The following UNC79 variants were observed in gnomAD, a reference collection of about 807,000 sequenced individuals.
The protein encoded by UNC79 is unc-79 subunit of NALCN channel complex.
In UNC79, 37 loss-of-function variants were observed where a neutral mutation model predicts 283.1. The ratio of observed to expected loss-of-function variants is 0.13; its 90% CI spans 0.10 to 0.17. The LOEUF (loss-of-function observed/expected upper bound fraction) is 0.17. Among genes scored for constraint, UNC79 ranks in the 10% least tolerant of loss-of-function variants. The pLI is 1.00. For missense variants in UNC79, 2,272 were observed against 3,211.1 expected, an observed-to-expected ratio of 0.71 and a Z score of 7.07; for synonymous variants, 1,107 against 1,200.2, an observed-to-expected ratio of 0.92 and a Z score of 1.61.
At chr14:93,593,231 C>T (rs2064822659) in intron 22 of UNC79, among the ~76,000 whole-genome samples, 1 of 152,152 alleles carries the variant, frequency 6.6e-6, no homozygotes, top group African/African-American at 2.4e-5. Context: ...GATGACCTGT[C>T]TGTTCTTGGA....
intron 30 of UNC79, among the ~76,000 whole-genome samples, chr14:93,623,195 T>A (rs1430019547): frequency 2.6e-5 from 4 of 152,178 alleles, no homozygotes; most frequent in African/African-American, 4.8e-5. Context: ...TTTGCTTTCT[T>A]TTTTTCTCTG....
At chr14:93,707,179 G>T, downstream of UNC79, 1 of 336,044 alleles carries the variant, frequency 3.0e-6, no homozygotes, top group Admixed American at 4.4e-5. Flanking sequence ...TTTTTTTTAA[G>T]AAAAAAAAAT....
At chr14:93,496,690 G>A (rs1567004219) in intron 6 of UNC79, among the ~76,000 whole-genome samples, 1 of 152,122 alleles carries the variant, frequency 6.6e-6, no homozygotes, top group Non-Finnish European at 1.5e-5. Flanking sequence ...GTAATTGAAT[G>A]TATCTTATTC....
At chr14:93,445,189 A>T (rs1009705911) in intron 1 of UNC79, among the ~76,000 whole-genome samples, 2 of 152,186 alleles carry the variant, frequency 1.3e-5, no homozygotes, top group Admixed American at 6.5e-5. Flanking sequence ...GAGTAGTTTA[A>T]AAAAAGAAAA....
intron 7 of UNC79, among the ~76,000 whole-genome samples, chr14:93,516,455 G>T (rs1245392916): frequency 1.7e-5 from 2 of 121,014 alleles, no homozygotes; most frequent in African/African-American, 3.0e-5. Context: ...TTTTTTGGGG[G>T]GGGGGGTGGG....
chr14:93,374,000 T>C (rs1026372461), intron 1 of UNC79, among the ~76,000 whole-genome samples: 1 of 152,142 alleles, frequency 6.6e-6, no homozygotes, highest in Non-Finnish European at 1.5e-5. Context: ...CGGTGGAGGC[T>C]TGGCAACCTC....
At chr14:93,556,115 T>A (rs2062158858) in intron 14 of UNC79, among the ~76,000 whole-genome samples, 1 of 152,128 alleles carries the variant, frequency 6.6e-6, no homozygotes, top group African/African-American at 2.4e-5. Context: ...AGGCAAGTGC[T>A]ATGAGACAAG....
intron 1 of UNC79, among the ~76,000 whole-genome samples, chr14:93,403,831 A>G (rs2055160439): frequency 1.3e-5 from 2 of 152,036 alleles, no homozygotes; most frequent in South Asian, 4.1e-4. Flanking sequence ...CAATGATATC[A>G]TCTTGAAAGT....
chr14:93,430,946 CT>C lies in UNC79; in HGVS notation c.-80del. The C allele has an allele frequency of 1.5e-6, 1 of 689,536 alleles. No homozygotes were observed. The highest frequency in any genetic ancestry group is 2.7e-5 in the East Asian group (1 of 36,490). The allele number at this position is 689,536 out of a possible 1,614,324, so 42.7% of individuals were successfully genotyped here. On this transcript the variant is annotated 5_prime_UTR_variant, in exon 1 of 49. Coordinates refer to ENST00000555664, the Ensembl canonical transcript of UNC79. This position sits in a 1 kb window ranked among gnomAD's most constrained non-coding sequence, Gnocchi z 4.6. ...GGGTGGGGGGTGGGGGGTATGCACT[CT>C]TTTCCTCGCAACATCGCTGGCGGAG... is the stretch of plus-strand genomic sequence containing the variant.
intron 39 of UNC79, among the ~76,000 whole-genome samples, chr14:93,661,250 A>C (rs1465576986): frequency 6.6e-6 from 1 of 152,242 alleles, no homozygotes; most frequent in Non-Finnish European, 1.5e-5. Context: ...ATGAAGAATT[A>C]AATGGCACTG....
chr14:93,659,270 G>A lies in UNC79; in HGVS notation c.6525+9G>A. The stretch of plus-strand genomic sequence containing the variant: ...CTACCAATGCTACAAGGGTATGTAT[G>A]TTTCAGAAAAACATAACCAATTGGT... On this transcript the variant is annotated intron_variant, in intron 39 of 48. Coordinates refer to ENST00000555664, the Ensembl canonical transcript of UNC79. 1.3e-6 allele frequency: 2 copies of A among 1,596,520 alleles called. No homozygotes were observed. Among genetic ancestry groups the A allele is most frequent in the Non-Finnish European group, 1.7e-6 (2 of 1,172,834 alleles).
chr14:93,654,833 C>T (rs2070750483), intron 37 of UNC79, among the ~76,000 whole-genome samples: 1 of 152,092 alleles, frequency 6.6e-6, no homozygotes, highest in South Asian at 2.1e-4. Flanking sequence ...CAAGTCTCAG[C>T]ACTGCTGCAG....
chr14:93,465,110 C>T (rs2057117549), intron 1 of UNC79, among the ~76,000 whole-genome samples: 1 of 152,150 alleles, frequency 6.6e-6, no homozygotes, highest in Admixed American at 6.6e-5. Context: ...GTCCCACTTT[C>T]TTTCTTCCTT....
intron 4 of UNC79, 150 bp downstream of exon 4, chr14:93,477,878 T>C: frequency 1.3e-6 from 1 of 746,524 alleles, no homozygotes; most frequent in Non-Finnish European, 2.0e-6. Context: ...CACTTTAGCA[T>C]GGATATTATG....
chr14:93,458,330 A>G (rs754598936), intron 1 of UNC79, among the ~76,000 whole-genome samples: 8 of 152,234 alleles, frequency 5.3e-5, no homozygotes, highest in Non-Finnish European at 1.0e-4. Context: ...GAACAAACAA[A>G]TAAGAACTCC....
intron 12 of UNC79, among the ~76,000 whole-genome samples, chr14:93,539,024 TC>T (rs1443921292): frequency 1.3e-5 from 2 of 151,190 alleles, no homozygotes; most frequent in African/African-American, 4.9e-5. Context: ...TGCCTCAGCC[TC>T]CTGAGTAGCT....
intron 41 of UNC79, 144 bp from the exon 45 acceptor site, chr14:93,682,473 T>A: frequency 1.5e-6 from 1 of 667,686 alleles, no homozygotes; most frequent in South Asian, 2.2e-5. Flanking sequence ...GAATGAACCA[T>A]CATGATTAGC....
At chr14:93,556,450 A>G (rs1414124109) in intron 14 of UNC79, among the ~76,000 whole-genome samples, 1 of 152,220 alleles carries the variant, frequency 6.6e-6, no homozygotes, top group Admixed American at 6.5e-5. Context: ...ATCAGGTAAC[A>G]TAATGCAAAA....
At chr14:93,525,801 T>G (rs1425883272) in intron 8 of UNC79, among the ~76,000 whole-genome samples, 1 of 152,146 alleles carries the variant, frequency 6.6e-6, no homozygotes, top group African/African-American at 2.4e-5. Flanking sequence ...TCAGACTGCA[T>G]TCTCAGGAGT....
Sources: gnomAD v4.1 joint callset for allele counts (sites outside exome capture counted in the v4.1 genomes callset) on GRCh38, gnomAD v4.1.1 for gene constraint, Gnocchi (gnomAD v3.1) non-coding constraint, MANE v1.5 for transcripts, NCBI Gene and HGNC (gene_info 2026-07-23, HGNC 2026-07-21) for gene names.